PELI2: variants seen among roughly 807,000 people sequenced by gnomAD.
The protein encoded by PELI2 is E3 ubiquitin-protein ligase pellino homolog 2.
PELI2 carries 23 observed loss-of-function variants against 42.3 expected under a neutral mutation model. The ratio of observed to expected loss-of-function variants is 0.54; its 90% confidence interval spans 0.39 to 0.77. The LOEUF is 0.77. Among genes scored for constraint, PELI2 ranks in the 30% least tolerant of loss-of-function variants. The probability of loss-of-function intolerance (pLI) is 0.00; values close to 1 mark genes in which losing one functional copy is unlikely to be tolerated. For missense variants in PELI2, 463 were observed against 553.2 expected, an observed-to-expected ratio of 0.84 and a Z score of 1.64; for synonymous variants, 245 against 212.2, an observed-to-expected ratio of 1.15 and a Z score of -1.34.
chr14:56,277,517 A>G (rs1004891330), intron 2 of PELI2, among the ~76,000 whole-genome samples: 2 of 152,012 alleles, frequency 1.3e-5, no homozygotes, highest in African/African-American at 2.4e-5. Flanking sequence ...ACATATTACA[A>G]TGTAATAATA....
At chr14:56,282,073 T>C (rs149061611) in intron 3 of PELI2, among the ~76,000 whole-genome samples, 6 of 152,276 alleles carry the variant, frequency 3.9e-5, no homozygotes, top group Non-Finnish European at 8.8e-5. Flanking sequence ...CCCAGAGATA[T>C]CCTTACCTAC....
intron 2 of PELI2, among the ~76,000 whole-genome samples, chr14:56,227,771 G>T (rs1428234079): frequency 6.6e-6 from 1 of 152,162 alleles, no homozygotes; most frequent in African/African-American, 2.4e-5. Context: ...CAGGGTCTGG[G>T]GAGGGAAAGT....
chr14:56,220,172 C>T (rs1887071215), intron 2 of PELI2, among the ~76,000 whole-genome samples: 1 of 152,202 alleles, frequency 6.6e-6, no homozygotes, highest in African/African-American at 2.4e-5. Flanking sequence ...CAGCTGCTGA[C>T]TCAGTGTGAC....
At chr14:56,286,775 G>GA (rs1385207528) in intron 3 of PELI2, among the ~76,000 whole-genome samples, 2 of 151,832 alleles carry the variant, frequency 1.3e-5, no homozygotes, top group Non-Finnish European at 2.9e-5. Flanking sequence ...TGTTTTCCTG[G>GA]AAAAAGCAAC....
intron 3 of PELI2, among the ~76,000 whole-genome samples, chr14:56,282,442 A>G (rs574440707): frequency 4.6e-5 from 7 of 152,238 alleles, no homozygotes; most frequent in Admixed American, 6.5e-5. Flanking sequence ...TCATGCTTAT[A>G]TGCATTAAAA....
intron 2 of PELI2, 119 bp from the exon 3 acceptor site, chr14:56,279,557 G>C: frequency 1.9e-6 from 1 of 525,228 alleles, no homozygotes; most frequent in Middle Eastern, 3.3e-4. Context: ...ACCTGACTGT[G>C]TGGAAAATGC....
chr14:56,300,782 G>C lies in PELI2; in HGVS notation c.*3616G>C, dbSNP rs1305405123. 2 of 152,034 alleles carry C rather than the reference G, an allele frequency of 1.3e-5. No homozygotes were observed. The highest frequency in any genetic ancestry group is 4.8e-5 in the African/African-American group (2 of 41,372). The allele number at this position is 152,034 out of a possible 1,614,324, so 9.4% of individuals were successfully genotyped here. ...TCCATCCCTTTACTGTCAATCTTCT[G>C]TCCCAGTAGTTTAGCCTTTGTGGCT... On this transcript the variant is annotated 3_prime_UTR_variant, in exon 6 of 6. Coordinates refer to ENST00000267460, the MANE Select transcript of PELI2 (RefSeq NM_021255.3).
intron 2 of PELI2, among the ~76,000 whole-genome samples, chr14:56,215,885 G>T (rs903160175): frequency 3.9e-5 from 6 of 152,170 alleles, no homozygotes; most frequent in Non-Finnish European, 5.9e-5. Flanking sequence ...ACTACAGTGG[G>T]TTATAGAAAT....
At chr14:56,198,013 C>CA (rs1491171131) in intron 2 of PELI2, among the ~76,000 whole-genome samples, 10 of 127,794 alleles carry the variant, frequency 7.8e-5, no homozygotes, top group African/African-American at 2.6e-4. Context: ...CACACACACA[C>CA]CCACCTCTTT....
In PELI2 at chr14:56,298,212, G is replaced by A. The variant is rs1890074984; in HGVS notation, c.*1046G>A. On this transcript the variant is annotated 3_prime_UTR_variant, in exon 6 of 6. Transcript: ENST00000267460. ...CTTCCCTTGCAGCTTAAGGAGCCCA[G>A]TAAGTTTTGAAAATGTTTGCGAATC... 6.6e-6 allele frequency: 1 copy of A among 152,466 alleles called. No individual in the cohort carries two copies. The highest frequency in any genetic ancestry group is 6.5e-5 in the Admixed American group (1 of 15,268). The allele number at this position is 152,466 out of a possible 1,614,324, so 9.4% of individuals were successfully genotyped here.
At chr14:56,156,860 C>G (rs770030899) in intron 1 of PELI2, among the ~76,000 whole-genome samples, 29 of 152,206 alleles carry the variant, frequency 1.9e-4, no homozygotes, top group Non-Finnish European at 2.9e-4. Context: ...AACTGTGCCT[C>G]TCTGTGTAAG....
intron 1 of PELI2, among the ~76,000 whole-genome samples, chr14:56,177,297 G>T (rs1885416425): frequency 6.6e-6 from 1 of 152,154 alleles, no homozygotes; most frequent in Admixed American, 6.5e-5. Context: ...CTCCCTTCTG[G>T]GTGTAGCTGG....
At chr14:56,233,001 A>T (rs1887643369) in intron 2 of PELI2, among the ~76,000 whole-genome samples, 1 of 152,156 alleles carries the variant, frequency 6.6e-6, no homozygotes, top group South Asian at 2.1e-4. Context: ...AGTCCCATTC[A>T]CAGTTGCTTC....
intron 3 of PELI2, among the ~76,000 whole-genome samples, chr14:56,285,743 A>G (rs749838879): frequency 2.0e-5 from 3 of 152,138 alleles, no homozygotes; most frequent in Non-Finnish European, 2.9e-5. Context: ...GAAGGAAGCT[A>G]AAGATATGGG....
At chr14:56,192,891 A>G (rs776727886) in intron 2 of PELI2, among the ~76,000 whole-genome samples, 2 of 152,186 alleles carry the variant, frequency 1.3e-5, no homozygotes, top group Non-Finnish European at 2.9e-5. Context: ...ATTTTTCACC[A>G]TGTCACAGAA....
intron 2 of PELI2, among the ~76,000 whole-genome samples, chr14:56,181,340 CTTTTTTTTTTTT>C (rs57251739): frequency 1.0e-5 from 1 of 97,122 alleles, no homozygotes; most frequent in African/African-American, 3.8e-5. Context: ...CCCTGGTGGA[CTTTTTTTTTTTT>C]TTTTTTTTTT....
intron 1 of PELI2, among the ~76,000 whole-genome samples, chr14:56,129,392 T>C (rs7151741): frequency 0.56 from 84,869 of 152,132 alleles, 23,851 homozygotes; most frequent in South Asian, 0.65. Context: ...TCCATTTAAT[T>C]ATTTGGGCAC....
chr14:56,124,025 A>C (rs1418519786), intron 1 of PELI2, among the ~76,000 whole-genome samples: 2 of 152,228 alleles, frequency 1.3e-5, no homozygotes, highest in African/African-American at 4.8e-5. Flanking sequence ...ATGTCTTTTG[A>C]TTTAATTAAA....
intron 5 of PELI2, among the ~76,000 whole-genome samples, chr14:56,295,137 G>A (rs1234329266): frequency 1.3e-5 from 2 of 152,086 alleles, no homozygotes; most frequent in Non-Finnish European, 2.9e-5. Flanking sequence ...CACTGAGACT[G>A]TCTTTGTTGA....
Sources: allele counts gnomAD v4.1 joint callset (sites outside exome capture counted in the v4.1 genomes callset), GRCh38; gene constraint gnomAD v4.1.1; transcripts MANE v1.5; gene names NCBI Gene and HGNC (gene_info 2026-07-23, HGNC 2026-07-21).